The following DPY19L2 variants were observed in gnomAD, a reference collection of about 807,000 sequenced individuals.
The protein encoded by DPY19L2 is probable C-mannosyltransferase DPY19L2.
In DPY19L2, 34 loss-of-function variants were observed where a neutral mutation model predicts 97.9. The observed-to-expected ratio is 0.35, with a 90% CI of 0.26 to 0.46. The LOEUF (loss-of-function observed/expected upper bound fraction) is 0.46. Ranked by LOEUF, DPY19L2 falls within the 20% of genes least tolerant of loss-of-function variation. The pLI is 1.00. For synonymous variants in DPY19L2, 230 were observed against 307.9 expected (o/e 0.75, Z 2.65); for missense variants, 623 against 911.4 (o/e 0.68, Z 4.07).
At chr12:63,631,680 T>A (rs9672244) in intron 6 of DPY19L2, among the ~76,000 whole-genome samples, 2 of 151,852 alleles carry the variant, frequency 1.3e-5, no homozygotes, top group Non-Finnish European at 2.9e-5. Context: ...TTCCAATCAA[T>A]AGAAAAAGAG....
chr12:63,588,764 T>TTTTTTTTTA (rs1882275324), intron 16 of DPY19L2, among the ~76,000 whole-genome samples: 1 of 134,712 alleles, frequency 7.4e-6, no homozygotes, highest in Non-Finnish European at 1.6e-5. Flanking sequence ...TTTTTTTTTT[T>TTTTTTTTTA]GTTTTTTGAG....
intron 4 of DPY19L2, among the ~76,000 whole-genome samples, chr12:63,654,508 C>A (rs1894700342): frequency 6.6e-6 from 1 of 151,894 alleles, no homozygotes; most frequent in Non-Finnish European, 1.5e-5. Context: ...TGTAAGTGGC[C>A]AATTGGTAAA....
intron 21 of DPY19L2, 91 bp from the exon 22 acceptor site, chr12:63,560,753 T>C: frequency 2.0e-6 from 3 of 1,472,922 alleles, no homozygotes; most frequent in Non-Finnish European, 1.8e-6. Flanking sequence ...CAGAGACAAA[T>C]TTATTTCATA....
chr12:63,639,573 T>A (rs1892344162), intron 6 of DPY19L2, among the ~76,000 whole-genome samples: 1 of 152,150 alleles, frequency 6.6e-6, no homozygotes, highest in Admixed American at 6.5e-5. Context: ...AAGAAGACAT[T>A]TATGCAGCCA....
At chr12:63,633,040 C>A (rs1172953556) in intron 6 of DPY19L2, among the ~76,000 whole-genome samples, 1 of 152,120 alleles carries the variant, frequency 6.6e-6, no homozygotes, top group African/African-American at 2.4e-5. Context: ...GGATCCCTTC[C>A]TTACACCTTT....
chr12:63,578,650 A>C (rs1437079464), intron 19 of DPY19L2, among the ~76,000 whole-genome samples: 1 of 152,154 alleles, frequency 6.6e-6, no homozygotes, highest in Non-Finnish European at 1.5e-5. Context: ...AGTATAACTA[A>C]GCATTCTAAG....
At position 63,661,658 on chromosome 12, in the gene DPY19L2, C is replaced by A. The variant is rs936711029; in HGVS notation, c.451-177G>T. Among the ~76,000 whole-genome samples the A allele has an allele frequency of 1.1e-4, 16 of 151,078 alleles. 1 individual carries two copies. Among genetic ancestry groups the A allele is most frequent in the Admixed American group, 9.2e-4 (14 of 15,156 alleles). ...TAAAGAACACGTATTTTCAGGTGAT[C>A]ACTGTAATATTCTTTCAAATTTTCT... On this transcript the variant is annotated intron_variant, in intron 3 of 21. Coordinates refer to ENST00000324472, the MANE Select transcript of DPY19L2 (RefSeq NM_173812.5).
chr12:63,659,291 T>C (rs920636114), intron 4 of DPY19L2, among the ~76,000 whole-genome samples: 49 of 152,102 alleles, frequency 3.2e-4, no homozygotes, highest in Non-Finnish European at 8.8e-5. Flanking sequence ...CCATTTATAA[T>C]AAAAGAGTAC....
At chr12:63,565,909 A>G (rs1877578868) in intron 21 of DPY19L2, among the ~76,000 whole-genome samples, 1 of 152,092 alleles carries the variant, frequency 6.6e-6, no homozygotes, top group African/African-American at 2.4e-5. Context: ...TTTCTCCTGT[A>G]CTGAACTATT....
At chr12:63,618,926 C>T (rs1239127059) in intron 9 of DPY19L2, among the ~76,000 whole-genome samples, 1 of 152,008 alleles carries the variant, frequency 6.6e-6, no homozygotes, top group African/African-American at 2.4e-5. Flanking sequence ...TATAAAAGGC[C>T]AGATAATAAA....
chr12:63,598,411 C>T (rs1376731939), intron 13 of DPY19L2, among the ~76,000 whole-genome samples: 1 of 152,092 alleles, frequency 6.6e-6, no homozygotes, highest in East Asian at 1.9e-4. Flanking sequence ...ACCTGATCCT[C>T]ATAAGAATTA....
intron 6 of DPY19L2, among the ~76,000 whole-genome samples, chr12:63,638,429 C>A (rs1205830949): frequency 6.6e-6 from 1 of 152,144 alleles, no homozygotes; most frequent in East Asian, 1.9e-4. Flanking sequence ...TCCCTGTTTG[C>A]AGATGACATG....
intron 5 of DPY19L2, among the ~76,000 whole-genome samples, chr12:63,646,448 A>G (rs1893422384): frequency 6.6e-6 from 1 of 152,152 alleles, no homozygotes; most frequent in African/African-American, 2.4e-5. Context: ...ATCAGTAAAA[A>G]ATGTAAGGAA....
At chr12:63,578,813 C>T (rs79606990) in intron 19 of DPY19L2, among the ~76,000 whole-genome samples, 11,258 of 151,810 alleles carry the variant, frequency 0.074, 513 homozygotes, top group Middle Eastern at 0.15. Context: ...GATTTTGCTC[C>T]CTAGGGAGCA....
chr12:63,639,334 C>T (rs1360216575), intron 6 of DPY19L2, among the ~76,000 whole-genome samples: 1 of 152,024 alleles, frequency 6.6e-6, no homozygotes, highest in African/African-American at 2.4e-5. Flanking sequence ...GCAACAAAAG[C>T]CAAAATTGAC....
intron 11 of DPY19L2, among the ~76,000 whole-genome samples, chr12:63,612,687 A>C (rs1887215580): frequency 6.6e-6 from 1 of 151,682 alleles, no homozygotes; most frequent in Non-Finnish European, 1.5e-5. Flanking sequence ...ATGAGTAGAA[A>C]TCAATGAAAC....
At chr12:63,650,753 T>A (rs1412651198) in intron 4 of DPY19L2, among the ~76,000 whole-genome samples, 3 of 152,136 alleles carry the variant, frequency 2.0e-5, no homozygotes, top group Admixed American at 6.5e-5. Context: ...ATTGTTAAAA[T>A]CACCATATTA....
At chr12:63,592,092 AAAGAG>A (rs1369928518) in intron 16 of DPY19L2, among the ~76,000 whole-genome samples, 2 of 87,230 alleles carry the variant, frequency 2.3e-5, no homozygotes, top group Admixed American at 2.3e-4. Flanking sequence ...AGACAAGAGA[AAAGAG>A]AAAAGAAAAG....
At chr12:63,630,767 C>A (rs2137929179) in intron 6 of DPY19L2, among the ~76,000 whole-genome samples, 1 of 152,226 alleles carries the variant, frequency 6.6e-6, no homozygotes, top group South Asian at 2.1e-4. Flanking sequence ...AATATACATT[C>A]TTCTCAGCAC....
Sources: allele counts gnomAD v4.1 joint callset (sites outside exome capture counted in the v4.1 genomes callset), GRCh38; gene constraint gnomAD v4.1.1; transcripts MANE v1.5; gene names NCBI Gene and HGNC (gene_info 2026-07-23, HGNC 2026-07-21).